The following OTOGL variants were observed in gnomAD, a reference collection of about 807,000 sequenced individuals.
OTOGL encodes the protein otogelin-like protein.
Under a neutral mutation model 318.5 loss-of-function variants are expected in OTOGL, and 285 were observed. The observed-to-expected ratio is 0.89, with a 90% CI of 0.81 to 0.99. The LOEUF is 0.99. OTOGL is among the 50% of genes least tolerant of loss of function. The pLI, the probability that OTOGL is intolerant of heterozygous loss-of-function variation, is 0.00. For missense variants in OTOGL, 2,899 were observed against 2,845.6 expected (o/e 1.02, Z -0.43); for synonymous variants, 987 against 936.5 (o/e 1.05, Z -0.99).
intron 11 of OTOGL, among the ~76,000 whole-genome samples, chr12:80,242,258 A>G (rs1880446769): frequency 6.6e-6 from 1 of 152,164 alleles, no homozygotes; most frequent in Non-Finnish European, 1.5e-5. Context: ...TGAAACTTTG[A>G]TGCTTTCTCC....
At chr12:80,138,690 T>C (rs879758567) in intron 1 of OTOGL, among the ~76,000 whole-genome samples, 1 of 152,044 alleles carries the variant, frequency 6.6e-6, no homozygotes, top group Non-Finnish European at 1.5e-5. Context: ...GTCAAGAAAA[T>C]ATAAAGTCTA....
At chr12:80,331,658 T>C (rs1888078849) in intron 37 of OTOGL, among the ~76,000 whole-genome samples, 1 of 152,138 alleles carries the variant, frequency 6.6e-6, no homozygotes, top group Admixed American at 6.5e-5. Context: ...TAAAAGTTTT[T>C]AAAATGTCGT....
At chr12:80,303,179 G>A (rs1045988524) in intron 28 of OTOGL, among the ~76,000 whole-genome samples, 13 of 151,186 alleles carry the variant, frequency 8.6e-5, no homozygotes, top group Admixed American at 6.6e-4. Context: ...TTTTTGAGAC[G>A]GAGTCTGGCT....
At chr12:80,189,530 A>T in intron 1 of OTOGL, 1 of 902,782 alleles carries the variant, frequency 1.1e-6, no homozygotes, top group Non-Finnish European at 1.3e-6. Context: ...TTCTTGGAAG[A>T]AGTGAATTTC....
intron 4 of OTOGL, among the ~76,000 whole-genome samples, chr12:80,215,289 C>T (rs575352941): frequency 6.6e-6 from 1 of 151,678 alleles, no homozygotes; most frequent in Admixed American, 6.6e-5. Context: ...GCCTTAGCCT[C>T]CTGAGTACTG....
At chr12:80,120,541 G>GA (rs1460732751) in intron 1 of OTOGL, among the ~76,000 whole-genome samples, 2 of 151,572 alleles carry the variant, frequency 1.3e-5, no homozygotes, top group African/African-American at 2.4e-5. Context: ...CAAACTTCTT[G>GA]AAAAAAAATC....
intron 45 of OTOGL, among the ~76,000 whole-genome samples, 176 bp downstream of exon 45, chr12:80,352,612 A>G (rs138737576): frequency 0.01 from 1,544 of 152,340 alleles, 2 homozygotes; most frequent in Non-Finnish European, 0.015. Flanking sequence ...ACAGTCACAC[A>G]TGAAGCTCCC....
At chr12:80,254,612 CT>C in intron 15 of OTOGL, 42 bp downstream of exon 15, 1 of 1,519,446 alleles carries the variant, frequency 6.6e-7, no homozygotes, top group Non-Finnish European at 9.1e-7. Flanking sequence ...TTTCAAATTT[CT>C]TTAGACTGGG....
At chr12:80,290,193 GCTTCTGCTCACCCTC>G (rs1884945749) in intron 26 of OTOGL, among the ~76,000 whole-genome samples, 1 of 152,072 alleles carries the variant, frequency 6.6e-6, no homozygotes, top group African/African-American at 2.4e-5. Context: ...ACCCCGCCCT[GCTTCTGCTCACCCTC>G]CTTGGGCTGC....
chr12:80,355,998 T>C (rs1209173456), intron 47 of OTOGL, 50 bp downstream of exon 47: 1 of 1,561,042 alleles, frequency 6.4e-7, no homozygotes, highest in Non-Finnish European at 8.8e-7. Flanking sequence ...AATATGTTGA[T>C]ATTCTTTGTG....
At position 80,265,157 on chromosome 12, in the gene OTOGL, T is replaced by A; in HGVS notation, c.2171T>A (p.Leu724His). Residue 724 changes from leucine to histidine, a missense_variant, in exon 20 of 59, where the codon CTC becomes CAC. Transcript: ENST00000547103. ...AATGCTCTTGCCCACTATGCCTACC[T>A]CTGCGGCCAGCACGGTGTTCCCATT... is the stretch of plus-strand genomic sequence containing the variant. ...LCNALAHYAY[L>H]CGQHGVPIDF... is the part of the protein sequence containing the mutation. 6.2e-7 allele frequency: 1 copy of A among 1,613,886 alleles called. No individual in the cohort carries two copies. The highest frequency in any genetic ancestry group is 8.5e-7 in the Non-Finnish European group (1 of 1,179,860).
At chr12:80,110,310 G>T (rs1006558676) in intron 1 of OTOGL, among the ~76,000 whole-genome samples, 2 of 152,008 alleles carry the variant, frequency 1.3e-5, no homozygotes, top group Non-Finnish European at 2.9e-5. Flanking sequence ...CTCAGGCTCC[G>T]CCTGCCTTGG....
chr12:80,169,903 C>T lies in OTOGL; in HGVS notation c.-19-39510C>T, dbSNP rs11114341. 8.5e-3 allele frequency among the ~76,000 whole-genome samples: 1,298 copies of T among 152,204 alleles called. 8 individuals carry two copies. Among genetic ancestry groups the T allele is most frequent in the Middle Eastern group, 0.024 (7 of 294 alleles). ...GTATGGATCACCAAAATTTTCTTAT[C>T]CATTCATTAAAGGACATTTGAGTTA... On this transcript the variant is annotated intron_variant, in intron 1 of 58. Transcript: ENST00000547103.
intron 1 of OTOGL, among the ~76,000 whole-genome samples, chr12:80,170,963 A>AT (rs1874169122): frequency 6.6e-6 from 1 of 151,884 alleles, no homozygotes; most frequent in Non-Finnish European, 1.5e-5. Flanking sequence ...ATGCATGGAG[A>AT]TTTTCTCTCT....
intron 26 of OTOGL, among the ~76,000 whole-genome samples, chr12:80,285,115 T>C (rs1014708841): frequency 4.6e-5 from 7 of 152,018 alleles, no homozygotes; most frequent in Admixed American, 4.6e-4. Context: ...GTTTTCCCAA[T>C]ACCATTTATT....
At chr12:80,361,175 C>T (rs1459761771) in intron 52 of OTOGL, 2 of 146,884 alleles carry the variant, frequency 1.4e-5, no homozygotes, top group African/African-American at 5.0e-5. Context: ...CCATTATACT[C>T]CCTACCTTCT....
At chr12:80,297,067 T>G in intron 27 of OTOGL, 106 bp downstream of exon 27, 1 of 1,086,696 alleles carries the variant, frequency 9.2e-7, no homozygotes, top group Non-Finnish European at 1.2e-6. Flanking sequence ...TCATGAGATC[T>G]ATGTTGTGTT....
chr12:80,266,401 T>C, intron 20 of OTOGL, 50 bp from the exon 21 acceptor site: 1 of 1,585,678 alleles, frequency 6.3e-7, no homozygotes, highest in South Asian at 1.1e-5. Flanking sequence ...GCATAAAATG[T>C]TTCTATGTGC....
chr12:80,112,709 CTT>C (rs144605517), intron 1 of OTOGL, among the ~76,000 whole-genome samples: 4 of 140,198 alleles, frequency 2.9e-5, no homozygotes, highest in African/African-American at 5.4e-5. Flanking sequence ...AATTTTCTTT[CTT>C]TTTTTTTTTT....
Sources: allele counts gnomAD v4.1 joint callset (sites outside exome capture counted in the v4.1 genomes callset), GRCh38; gene constraint gnomAD v4.1.1; transcripts MANE v1.5; gene names NCBI Gene and HGNC (gene_info 2026-07-23, HGNC 2026-07-21).